The following LRRC37A3 variants were observed in gnomAD, a reference collection of about 807,000 sequenced individuals.
LRRC37A3 encodes the protein leucine-rich repeat-containing protein 37A3.
Under a neutral mutation model 106.2 loss-of-function variants are expected in LRRC37A3, and 25 were observed. That is an observed-to-expected ratio of 0.24 (90% confidence interval 0.17 to 0.33). The LOEUF is 0.33. Ranked by LOEUF, LRRC37A3 falls within the 10% of genes least tolerant of loss-of-function variation. LRRC37A3 has a pLI of 1.00. For missense variants in LRRC37A3, 712 were observed against 1,644.9 expected (o/e 0.43, Z 9.81); for synonymous variants, 305 against 635.8 (o/e 0.48, Z 7.83).
At chr17:64,872,936 A>G (rs1188383577) in intron 8 of LRRC37A3, among the ~76,000 whole-genome samples, 1 of 152,170 alleles carries the variant, frequency 6.6e-6, no homozygotes, top group Non-Finnish European at 1.5e-5. Context: ...GTATGCCCCA[A>G]CATGTACACA....
chr17:64,854,871 C>T (rs1972621664), intron 14 of LRRC37A3, among the ~76,000 whole-genome samples: 1 of 152,170 alleles, frequency 6.6e-6, no homozygotes, highest in Non-Finnish European at 1.5e-5. Flanking sequence ...GATAGTTTGG[C>T]TCATTCCCCA....
At chr17:64,855,769 T>G in intron 14 of LRRC37A3, 71 bp downstream of exon 14, 1 of 1,604,434 alleles carries the variant, frequency 6.2e-7, no homozygotes, top group South Asian at 1.1e-5. Flanking sequence ...GTCATTGCAC[T>G]CCAGCCTGGC....
chr17:64,859,480 T>C lies in LRRC37A3; in HGVS notation c.4666A>G (p.Thr1556Ala), dbSNP rs1972794255. ...WKTENYINES[T>A]EAQSEQKEKS... Reference sequence around the variant, plus strand: ...TCTTTCTGTTCACTCTGGGCTTCTGTGCTCTCATTAATGTAGTTCTCAGTC... The same window carrying C: ...TCTTTCTGTTCACTCTGGGCTTCTGCGCTCTCATTAATGTAGTTCTCAGTC... Residue 1556 changes from threonine to alanine, a missense_variant, in exon 12 of 15, where the codon ACA becomes GCA. Transcript: ENST00000584306. 6.2e-7 allele frequency: 1 copy of C among 1,611,478 alleles called. No homozygotes were observed. Among genetic ancestry groups the C allele is most frequent in the African/African-American group, 1.3e-5 (1 of 74,152 alleles).
intron 10 of LRRC37A3, among the ~76,000 whole-genome samples, chr17:64,867,306 G>A (rs559178780): frequency 0.012 from 1,773 of 147,654 alleles, 33 homozygotes; most frequent in African/African-American, 0.041. Context: ...AGCACTTCTC[G>A]TGCCTCAGCC....
rs1207669483 is a variant in LRRC37A3 at position 64,860,614 on chromosome 17, G to A, written c.3532C>T (p.His1178Tyr). The A allele has an allele frequency of 3.7e-6, 6 of 1,613,780 alleles. No homozygotes were observed. Among genetic ancestry groups the A allele is most frequent in the Non-Finnish European group, 5.1e-6 (6 of 1,179,864 alleles). The stretch of plus-strand genomic sequence containing the variant: ...CTCTGCCTTCCTACCTCTTTGAAGT[G>A]CCTTTTCTGGATGCTCCTTGGGCCC... ...LMGPRSIQKR[H>Y]FKEVGRQSIR... The change falls in exon 12 of 15, where the codon CAC becomes TAC. Residue 1178 changes from histidine (H) to tyrosine (Y), a missense_variant. By Grantham distance (83) the His-to-Tyr change is moderately conservative. Transcript: ENST00000584306.
chr17:64,856,661 G>A (rs1451180259), intron 13 of LRRC37A3, among the ~76,000 whole-genome samples: 8 of 148,118 alleles, frequency 5.4e-5, no homozygotes, highest in Non-Finnish European at 1.2e-4. Context: ...ATCTAACTTA[G>A]GGTCTTGCAT....
chr17:64,863,179 A>G, intron 10 of LRRC37A3, 161 bp from the exon 11 acceptor site: 1 of 773,746 alleles, frequency 1.3e-6, no homozygotes, highest in Admixed American at 2.2e-5. Flanking sequence ...AAGGAGGACA[A>G]AAGTGCCCAA....
chr17:64,911,177 G>A (rs1428962922), intron 2 of LRRC37A3, among the ~76,000 whole-genome samples: 2 of 150,466 alleles, frequency 1.3e-5, no homozygotes, highest in African/African-American at 4.9e-5. Flanking sequence ...ACAACCGTTT[G>A]CATTTTTAAA....
At chr17:64,906,375 TTTC>T (rs1467446209) in intron 2 of LRRC37A3, among the ~76,000 whole-genome samples, 1 of 27,938 alleles carries the variant, frequency 3.6e-5, no homozygotes, top group African/African-American at 1.7e-4. Context: ...TCACCAGTTC[TTTC>T]TTATGTCTAT....
chr17:64,919,210 C>T (rs1414837642), intron 1 of LRRC37A3, among the ~76,000 whole-genome samples: 1 of 151,942 alleles, frequency 6.6e-6, no homozygotes, highest in African/African-American at 2.4e-5. Context: ...CAGCGCTCCG[C>T]AGAGGGAGCC....
At chr17:64,916,920 A>G (rs1007343912) in intron 2 of LRRC37A3, among the ~76,000 whole-genome samples, 1 of 148,050 alleles carries the variant, frequency 6.8e-6, no homozygotes, top group African/African-American at 2.5e-5. Flanking sequence ...AGAAGCTACC[A>G]CCATATACTT....
At chr17:64,877,234 C>T (rs970414442) in intron 8 of LRRC37A3, among the ~76,000 whole-genome samples, 14 of 152,248 alleles carry the variant, frequency 9.2e-5, no homozygotes, top group African/African-American at 3.4e-4. Context: ...TGGAGTCTCA[C>T]TCTGTTGCCC....
intron 8 of LRRC37A3, chr17:64,881,090 C>A (rs1369301988): frequency 1.4e-5 from 10 of 700,650 alleles, no homozygotes; most frequent in Non-Finnish European, 2.1e-5. Flanking sequence ...GAGAAAGTAA[C>A]CTCTTTCCTT....
At chr17:64,890,613 C>A (rs1398975604) in intron 5 of LRRC37A3, among the ~76,000 whole-genome samples, 1 of 118,986 alleles carries the variant, frequency 8.4e-6, no homozygotes, top group African/African-American at 4.4e-5. Context: ...GGGTGAATCA[C>A]CCACGGTCAT....
chr17:64,868,347 A>C (rs1404553349), intron 10 of LRRC37A3, 115 bp downstream of exon 10: 2 of 672,284 alleles, frequency 3.0e-6, no homozygotes, highest in Non-Finnish European at 5.1e-6. Flanking sequence ...ACACTTAAAA[A>C]GCGTGAATGT....
At position 64,860,609 on chromosome 17, in the gene LRRC37A3, G is replaced by A. The variant is rs775052678; in HGVS notation, c.3537C>T (p.Phe1179=). ...TGATGCTCTGCCTTCCTACCTCTTT[G>A]AAGTGCCTTTTCTGGATGCTCCTTG... ...MGPRSIQKRH[F]KEVGRQSIRR... is the part of the protein sequence containing the mutation. Residue 1179 remains phenylalanine, a synonymous_variant, in exon 12 of 15, where the codon TTC becomes TTT. Coordinates refer to ENST00000584306, the MANE Select transcript of LRRC37A3 (RefSeq NM_199340.5). The A allele has an allele frequency of 2.2e-5, 36 of 1,613,754 alleles. No homozygotes were observed. The highest frequency in any genetic ancestry group is 3.1e-5 in the Non-Finnish European group (36 of 1,179,858).
rs142904078 is a variant in LRRC37A3 at position 64,860,950 on chromosome 17, G to C, written c.3196C>G (p.Pro1066Ala). 3 of 1,613,942 alleles carry C rather than the reference G, an allele frequency of 1.9e-6. No individual in the cohort carries two copies. Among genetic ancestry groups the C allele is most frequent in the Non-Finnish European group, 8.5e-7 (1 of 1,179,908 alleles). The change falls in exon 12 of 15, where the codon CCA becomes GCA. Residue 1066 changes from proline (P) to alanine (A), a missense_variant. Pro to Ala is a conservative substitution (Grantham distance 27). Transcript: ENST00000584306. Reference sequence around the variant, plus strand: ...AACACCTTCATGAACGCTCCTTCTGGATTCCCTACAGATGCTTCTTCAGCT... The same window carrying C: ...AACACCTTCATGAACGCTCCTTCTGCATTCCCTACAGATGCTTCTTCAGCT... The part of the protein sequence containing the change: ...HCPEEASVGN[P>A]EGAFMKVLQA...
Position 64,860,681 on chromosome 17 carries a change from T to G in LRRC37A3, c.3465A>C (p.Gln1155His). The change falls in exon 12 of 15, where the codon CAA becomes CAC. Residue 1155 changes from glutamine to histidine, a missense_variant. By Grantham distance (24) the Gln-to-His change is conservative. Coordinates refer to ENST00000584306, the MANE Select transcript of LRRC37A3 (RefSeq NM_199340.5). ...GTCTCTGCCGGTTTTTGCCTACAGT[T>G]TGAATCTTTGCCAGGCTGTTTCCTG... ...PTTGNSLAKI[Q>H]TVGKNRQRLN... 1 of 1,614,016 alleles carries G rather than the reference T, an allele frequency of 6.2e-7. No individual in the cohort carries two copies. Among genetic ancestry groups the G allele is most frequent in the Non-Finnish European group, 8.5e-7 (1 of 1,179,870 alleles).
At chr17:64,854,681 T>C in intron 14 of LRRC37A3, 37 bp from the exon 15 acceptor site, 1 of 1,612,640 alleles carries the variant, frequency 6.2e-7, no homozygotes, top group Non-Finnish European at 8.5e-7. Flanking sequence ...TTTTGATTCT[T>C]GAAAGGAGCA....
Sources: allele counts gnomAD v4.1 joint callset (sites outside exome capture counted in the v4.1 genomes callset), GRCh38; gene constraint gnomAD v4.1.1; transcripts MANE v1.5; gene names NCBI Gene and HGNC (gene_info 2026-07-23, HGNC 2026-07-21).